The following METAP1D variants were observed in gnomAD, a reference collection of about 807,000 sequenced individuals.
METAP1D encodes the protein methionine aminopeptidase 1D, mitochondrial.
In METAP1D, 31 loss-of-function variants were observed where a neutral mutation model predicts 40.5. That is an observed-to-expected ratio of 0.77 (90% CI 0.58 to 1.03). The LOEUF (loss-of-function observed/expected upper bound fraction) is 1.03. Ranked by LOEUF, METAP1D falls within the 50% of genes least tolerant of loss-of-function variation. The pLI is 0.00. For synonymous variants in METAP1D, 151 were observed against 146.4 expected (o/e 1.03, Z -0.22); for missense variants, 411 against 420.7 (o/e 0.98, Z 0.20).
rs1553491403 is a variant in METAP1D at position 172,024,764 on chromosome 2, G to GTGTGTA, written c.40+24760_40+24761insATGTGT. 4.2e-3 allele frequency among the ~76,000 whole-genome samples: 639 copies of GTGTGTA among 150,898 alleles called. 3 individuals carry two copies. The highest frequency in any genetic ancestry group is 6.3e-3 in the Non-Finnish European group (429 of 67,658). On this transcript the variant is annotated intron_variant, in intron 1 of 9. Transcript: ENST00000315796. ...ACATATAGATTGTGTGTGTGTGTGT[G>GTGTGTA]TGTGTGTGTGTGTGTGTGTGTGTGT...
intron 1 of METAP1D, among the ~76,000 whole-genome samples, chr2:172,040,890 G>A (rs1229567039): frequency 2.6e-5 from 4 of 151,760 alleles, no homozygotes; most frequent in African/African-American, 9.7e-5. Context: ...GGGATTACAG[G>A]CGCACACCAC....
In METAP1D at chr2:172,080,994, C is replaced by G. The variant is rs1048254377; in HGVS notation, c.*588C>G. ...GCGGCTTTGCGATGAAAGATTAGCC[C>G]GCGAACAGAGGCATTGATTACAAAC... On this transcript the variant is annotated 3_prime_UTR_variant, in exon 10 of 10. Transcript: ENST00000315796. The G allele has an allele frequency of 1.9e-5, 3 of 158,428 alleles. No homozygotes were observed. Among genetic ancestry groups the G allele is most frequent in the Admixed American group, 1.2e-4 (2 of 16,446 alleles). 9.8% of individuals were successfully genotyped at this position (158,428 alleles called of 1,614,324 possible).
intron 1 of METAP1D, among the ~76,000 whole-genome samples, chr2:172,052,212 A>G (rs927926993): frequency 6.6e-5 from 10 of 152,246 alleles, no homozygotes; most frequent in Admixed American, 5.2e-4. Context: ...TTTATCATCC[A>G]GAGGCTGTTG....
rs1689252336 is a variant in METAP1D at position 172,031,996 on chromosome 2, G to C, written c.41-29502G>C. The stretch of plus-strand genomic sequence containing the variant: ...CAAACATGTGTAACGGTGCCCTGGG[G>C]CACCAAGCATGCCCTCGGGGAGCTA... On this transcript the variant is annotated intron_variant, in intron 1 of 9. Coordinates refer to ENST00000315796, the MANE Select transcript of METAP1D (RefSeq NM_199227.3). Among the ~76,000 whole-genome samples the C allele has an allele frequency of 2.0e-5, 3 of 152,172 alleles. 1 individual carries two copies. The South Asian group carries it at 6.2e-4, about 32-fold the overall frequency.
intron 1 of METAP1D, among the ~76,000 whole-genome samples, chr2:172,013,392 C>T (rs1264503386): frequency 6.6e-6 from 1 of 152,136 alleles, no homozygotes; most frequent in South Asian, 2.1e-4. Flanking sequence ...AACAGTTCTT[C>T]CCTGAACTAG....
chr2:172,041,128 C>T (rs779481615), intron 1 of METAP1D, among the ~76,000 whole-genome samples: 36 of 151,930 alleles, frequency 2.4e-4, no homozygotes, highest in Non-Finnish European at 4.4e-4. Flanking sequence ...CTGAGGCCCC[C>T]CAAAAGCATA....
chr2:172,064,006 T>G, intron 3 of METAP1D, 146 bp downstream of exon 3: 1 of 1,053,268 alleles, frequency 9.5e-7, no homozygotes, highest in Non-Finnish European at 1.3e-6. Flanking sequence ...TTTTAAAAAT[T>G]AAGTAAAGCC....
chr2:172,024,696 G>C (rs1360237088), intron 1 of METAP1D, among the ~76,000 whole-genome samples: 1 of 151,448 alleles, frequency 6.6e-6, no homozygotes, highest in Non-Finnish European at 1.5e-5. Context: ...TTATCAGAAT[G>C]CCAAGCTATT....
In METAP1D at chr2:172,001,502, C is replaced by T. The variant is rs866431260; in HGVS notation, c.40+1493C>T. 2.0e-5 allele frequency among the ~76,000 whole-genome samples: 3 copies of T among 151,644 alleles called. No homozygotes were observed. The Middle Eastern group carries it at 0.01, about 516-fold the overall frequency. ...GCAGTGAGCTGAGATCATACCACTA[C>T]ACTCTAGCCTGGGCGACAGAGCGAG... is the stretch of plus-strand genomic sequence containing the variant. On this transcript the variant is annotated intron_variant, in intron 1 of 9. Transcript: ENST00000315796.
chr2:172,042,491 A>G lies in METAP1D; in HGVS notation c.41-19007A>G, dbSNP rs1311632715. Among the ~76,000 whole-genome samples, 2 of 48,888 alleles carry G rather than the reference A, an allele frequency of 4.1e-5. 1 individual carries two copies. Among genetic ancestry groups the G allele is most frequent in the African/African-American group, 1.7e-4 (2 of 12,064 alleles). The allele number at this position is 48,888 out of a possible 152,430, so 32.1% of individuals were successfully genotyped here. ...TATACATATGTGTGTGTACATGTGT[A>G]CATATATACATATATACATATGTAT... On this transcript the variant is annotated intron_variant, in intron 1 of 9. Coordinates refer to ENST00000315796, the MANE Select transcript of METAP1D (RefSeq NM_199227.3).
rs1690588750 is a variant in METAP1D, at chr2:172,078,008, G to A, written c.802+114G>A. ...TGCATTATCAACCTTGTGTTTGTGT[G>A]TGTGTTTATGTGCAGGGGGCAGGGG... On this transcript the variant is annotated intron_variant, in intron 7 of 9. Transcript: ENST00000315796. 4.0e-5 allele frequency: 20 copies of A among 496,872 alleles called. No individual in the cohort carries two copies. The South Asian group carries it at 5.1e-4, about 13-fold the overall frequency. 30.8% of individuals were successfully genotyped at this position (496,872 alleles called of 1,614,324 possible). A position where few individuals can be genotyped will look rare whatever the true frequency, so the allele number is the denominator to read the frequency against.
At chr2:172,002,567 G>A (rs62183801) in intron 1 of METAP1D, among the ~76,000 whole-genome samples, 65,280 of 151,892 alleles carry the variant, frequency 0.43, 15,558 homozygotes, top group Middle Eastern at 0.59. Context: ...ACCAAGAAGT[G>A]GATCCTCTGA....
intron 1 of METAP1D, among the ~76,000 whole-genome samples, chr2:172,028,807 C>T (rs1689177955): frequency 6.6e-6 from 1 of 152,104 alleles, no homozygotes; most frequent in South Asian, 2.1e-4. Flanking sequence ...TTTTTAATGT[C>T]TGTTATACCT....
chr2:172,017,243 C>CA (rs1189172487), intron 1 of METAP1D, among the ~76,000 whole-genome samples: 4 of 140,838 alleles, frequency 2.8e-5, no homozygotes, highest in Non-Finnish European at 6.1e-5. Flanking sequence ...TTTACACACA[C>CA]ACACACACAC....
intron 1 of METAP1D, among the ~76,000 whole-genome samples, chr2:172,034,058 C>G (rs1222420850): frequency 1.8e-5 from 2 of 110,922 alleles, no homozygotes; most frequent in African/African-American, 3.5e-5. Flanking sequence ...GTCTGGGCAA[C>G]AGAGCAAGAC....
chr2:172,023,213 G>A (rs1689046398), intron 1 of METAP1D, among the ~76,000 whole-genome samples: 1 of 152,172 alleles, frequency 6.6e-6, no homozygotes, highest in South Asian at 2.1e-4. Context: ...TGTTTGCTTG[G>A]AAACAGTCTA....
At chr2:172,049,402 TATATAC>T (rs1457695357) in intron 1 of METAP1D, among the ~76,000 whole-genome samples, 2 of 150,650 alleles carry the variant, frequency 1.3e-5, no homozygotes, top group Non-Finnish European at 3.0e-5. Context: ...TATATTTACT[TATATAC>T]ATATTTATAT....
chr2:172,038,177 C>T (rs552675731), intron 1 of METAP1D, among the ~76,000 whole-genome samples: 1 of 152,280 alleles, frequency 6.6e-6, no homozygotes, highest in Admixed American at 6.5e-5. Context: ...GCAACATTCC[C>T]AGGCCAGCTC....
chr2:172,069,692 A>C (rs1214224240), intron 5 of METAP1D, among the ~76,000 whole-genome samples: 1 of 152,226 alleles, frequency 6.6e-6, no homozygotes. Flanking sequence ...TTCTGTTGCA[A>C]GGTAATTAAG....
Sources: allele counts gnomAD v4.1 joint callset (sites outside exome capture counted in the v4.1 genomes callset), GRCh38; gene constraint gnomAD v4.1.1; transcripts MANE v1.5; gene names NCBI Gene and HGNC (gene_info 2026-07-23, HGNC 2026-07-21).